Variants in RBFOX1 observed in about 807,000 individuals in gnomAD.
RBFOX1 encodes RNA binding fox-1 homolog 1.
A neutral mutation model predicts 57.7 loss-of-function variants in RBFOX1; 8 were observed. The observed-to-expected ratio is 0.14, with a 90% CI of 0.08 to 0.25. RBFOX1 has a LOEUF of 0.25. Among genes scored for constraint, RBFOX1 ranks in the 10% least tolerant of loss-of-function variants. RBFOX1 has a pLI of 1.00. For synonymous variants in RBFOX1, 326 were observed against 222.4 expected (o/e 1.47, Z -4.15); for missense variants, 611 against 548.5 (o/e 1.11, Z -1.14).
chr16:5,894,592 G>A (rs765242974), intron 4 of RBFOX1, among the ~76,000 whole-genome samples: 4 of 152,044 alleles, frequency 2.6e-5, no homozygotes, highest in Admixed American at 2.6e-4. Context: ...ACATTTTAAA[G>A]GAGTAGACAA....
At chr16:7,096,280 G>A (rs1282674265) in intron 4 of RBFOX1, among the ~76,000 whole-genome samples, 2 of 152,160 alleles carry the variant, frequency 1.3e-5, no homozygotes, top group Non-Finnish European at 2.9e-5. Context: ...TATGTAGGCT[G>A]AGATATCTGA....
chr16:7,107,078 C>G (rs1276266567), intron 4 of RBFOX1, among the ~76,000 whole-genome samples: 2 of 151,970 alleles, frequency 1.3e-5, no homozygotes, highest in East Asian at 1.9e-4. Context: ...CTATAAGGAA[C>G]TGATATTTAA....
intron 3 of RBFOX1, among the ~76,000 whole-genome samples, chr16:6,820,057 C>G (rs1050353556): frequency 4.6e-5 from 7 of 152,090 alleles, no homozygotes; most frequent in Admixed American, 2.6e-4. Context: ...AAAATTGAAT[C>G]GTGGGGCTTG....
intron 3 of RBFOX1, among the ~76,000 whole-genome samples, chr16:6,913,853 C>T (rs1019335807): frequency 6.6e-6 from 1 of 152,164 alleles, no homozygotes; most frequent in Non-Finnish European, 1.5e-5. Context: ...ATTGTATTTT[C>T]AGGGAGGGCC....
intron 4 of RBFOX1, among the ~76,000 whole-genome samples, chr16:7,272,881 CTCCTTTCT>C (rs1251060505): frequency 5.0e-5 from 7 of 140,482 alleles, no homozygotes; most frequent in Admixed American, 1.4e-4. Flanking sequence ...CCTTCCTTCC[CTCCTTTCT>C]TCCTTCCCTC....
intron 14 of RBFOX1, among the ~76,000 whole-genome samples, chr16:7,686,187 G>GAA (rs368021965): frequency 8.2e-5 from 12 of 147,124 alleles, no homozygotes; most frequent in Middle Eastern, 3.4e-3. Flanking sequence ...GTTCTCGAGT[G>GAA]AAAAAAAAAA....
chr16:5,673,241 G>A (rs533678663), intron 3 of RBFOX1, among the ~76,000 whole-genome samples: 3 of 152,194 alleles, frequency 2.0e-5, no homozygotes, highest in African/African-American at 4.8e-5. Flanking sequence ...GGGCAAGGAC[G>A]GAGCCAGTCA....
intron 4 of RBFOX1, among the ~76,000 whole-genome samples, chr16:7,282,708 G>C (rs2095570395): frequency 1.3e-5 from 2 of 152,146 alleles, no homozygotes; most frequent in Non-Finnish European, 2.9e-5. Flanking sequence ...CACCCAGTTT[G>C]TAGGCTTTTA....
intron 2 of RBFOX1, among the ~76,000 whole-genome samples, chr16:6,480,556 G>A (rs1439676423): frequency 2.0e-5 from 3 of 152,138 alleles, no homozygotes; most frequent in Non-Finnish European, 4.4e-5. Flanking sequence ...TAACTAGCAG[G>A]CTGTACAGAA....
At chr16:7,365,529 T>G (rs1010110025) in intron 4 of RBFOX1, among the ~76,000 whole-genome samples, 1 of 152,228 alleles carries the variant, frequency 6.6e-6, no homozygotes, top group African/African-American at 2.4e-5. Flanking sequence ...TTAAGACATT[T>G]TTGGTTGTCT....
intron 3 of RBFOX1, among the ~76,000 whole-genome samples, chr16:6,681,057 T>C (rs9936613): frequency 0.64 from 97,685 of 152,114 alleles, 33,955 homozygotes; most frequent in East Asian, 0.77. Context: ...ACACCCATAA[T>C]GCCAGTCCTT....
At chr16:6,590,929 A>G (rs766329795) in intron 2 of RBFOX1, among the ~76,000 whole-genome samples, 8 of 152,188 alleles carry the variant, frequency 5.3e-5, no homozygotes, top group Non-Finnish European at 1.0e-4. Context: ...TATAGTGGGT[A>G]AGATGAGAGA....
chr16:7,487,940 A>G (rs1444813513), intron 4 of RBFOX1, among the ~76,000 whole-genome samples: 1 of 151,910 alleles, frequency 6.6e-6, no homozygotes, highest in Non-Finnish European at 1.5e-5. Flanking sequence ...AGGGATTCCC[A>G]CTCTTGGAAT....
chr16:5,466,963 T>C (rs566063856), intron 1 of RBFOX1, among the ~76,000 whole-genome samples: 4 of 152,182 alleles, frequency 2.6e-5, no homozygotes, highest in Non-Finnish European at 5.9e-5. Context: ...TTGGTTAGCT[T>C]CCTTATTTAC....
chr16:6,657,542 T>G (rs776678753), intron 3 of RBFOX1, among the ~76,000 whole-genome samples: 2 of 152,110 alleles, frequency 1.3e-5, no homozygotes, highest in African/African-American at 2.4e-5. Flanking sequence ...GGGAGTGCAC[T>G]CTGGTGCCTC....
At chr16:6,819,379 C>T (rs2090814749) in intron 3 of RBFOX1, among the ~76,000 whole-genome samples, 1 of 152,152 alleles carries the variant, frequency 6.6e-6, no homozygotes. Flanking sequence ...CATCCTTTAA[C>T]ATGGCTGTAG....
rs2096758865 is a variant in RBFOX1 at position 6,537,995 on chromosome 16, G to A, written c.-63-116608G>A. On this transcript the variant is annotated intron_variant, in intron 2 of 15. Coordinates refer to ENST00000550418, the MANE Select transcript of RBFOX1 (RefSeq NM_018723.4). ...TGATTTGCAGATTAATTCTATCTTT[G>A]TTTATATTTCTACTTTCAAACTTTT... is the stretch of plus-strand genomic sequence containing the variant. 4.6e-5 allele frequency among the ~76,000 whole-genome samples: 7 copies of A among 151,504 alleles called. No individual in the cohort carries two copies. The South Asian group carries it at 1.3e-3, about 27-fold the overall frequency.
chr16:6,371,758 A>G (rs992280664), intron 2 of RBFOX1, among the ~76,000 whole-genome samples: 7 of 152,220 alleles, frequency 4.6e-5, no homozygotes, highest in African/African-American at 1.7e-4. Flanking sequence ...ACACATGCAC[A>G]TACACATGTA....
At chr16:7,369,308 T>C (rs2097526239) in intron 4 of RBFOX1, among the ~76,000 whole-genome samples, 1 of 152,098 alleles carries the variant, frequency 6.6e-6, no homozygotes, top group Admixed American at 6.5e-5. Flanking sequence ...TCAAAGCCTG[T>C]TGTTGCATGC....
Sources: gnomAD v4.1 joint callset for allele counts (sites outside exome capture counted in the v4.1 genomes callset) on GRCh38, gnomAD v4.1.1 for gene constraint, MANE v1.5 for transcripts, NCBI Gene and HGNC (gene_info 2026-07-23, HGNC 2026-07-21) for gene names.